Variants in HMGA2 observed in about 807,000 individuals in gnomAD.
HMGA2 encodes high mobility group AT-hook 2, also known as high mobility group protein HMGI-C.
A neutral mutation model predicts 19.1 loss-of-function variants in HMGA2; 8 were observed. The observed-to-expected ratio is 0.42, with a 90% CI of 0.25 to 0.76. The LOEUF (loss-of-function observed/expected upper bound fraction) is 0.76. Ranked by LOEUF, HMGA2 falls within the 30% of genes least tolerant of loss-of-function variation. The pLI is 0.28. For missense variants in HMGA2, 109 were observed against 136.3 expected (o/e 0.80, Z 1.00); for synonymous variants, 60 against 48.8 (o/e 1.23, Z -0.96).
intron 3 of HMGA2, among the ~76,000 whole-genome samples, chr12:65,951,079 G>A (rs935950487): frequency 2.0e-5 from 3 of 151,960 alleles, no homozygotes; most frequent in Non-Finnish European, 2.9e-5. Flanking sequence ...CAGTTGCAAC[G>A]CCACCACACC....
At chr12:65,892,703 C>T (rs1449249588) in intron 3 of HMGA2, among the ~76,000 whole-genome samples, 4 of 152,030 alleles carry the variant, frequency 2.6e-5, no homozygotes, top group Admixed American at 2.0e-4. Context: ...GAAAACGGTC[C>T]CTAAAAGTCT....
At chr12:65,945,234 T>C (rs1876224668) in intron 3 of HMGA2, among the ~76,000 whole-genome samples, 1 of 149,566 alleles carries the variant, frequency 6.7e-6, no homozygotes. Context: ...TTCTTATGCT[T>C]TAAAAAAAAA....
intron 4 of HMGA2, chr12:65,954,665 C>T (rs1876554600): frequency 6.6e-6 from 1 of 152,166 alleles, no homozygotes; most frequent in African/African-American, 2.4e-5. Context: ...AAGTGAAGGA[C>T]CACCCTGTTG....
chr12:65,881,927 A>G, intron 3 of HMGA2: 1 of 701,600 alleles, frequency 1.4e-6, no homozygotes, highest in Non-Finnish European at 2.6e-6. Flanking sequence ...TGCAGAAGGC[A>G]TGGAGAGATT....
At chr12:65,866,844 C>A in intron 3 of HMGA2, 1 of 457,210 alleles carries the variant, frequency 2.2e-6, no homozygotes, top group South Asian at 1.5e-5. Flanking sequence ...CTTGCCATTG[C>A]CCTCTCAACC....
chr12:65,878,235 T>G (rs552843469), intron 3 of HMGA2, among the ~76,000 whole-genome samples: 1 of 152,244 alleles, frequency 6.6e-6, no homozygotes. Context: ...AGAATGAGGA[T>G]GCATAAACTT....
At position 65,965,473 on chromosome 12, in the gene HMGA2, AC is replaced by A. The variant is rs1258519853; in HGVS notation, c.*2183del. 1 of 206,200 alleles carries A rather than the reference AC, an allele frequency of 4.8e-6. No homozygotes were observed. The highest frequency in any genetic ancestry group is 9.9e-6 in the Non-Finnish European group (1 of 100,768). 12.8% of individuals were successfully genotyped at this position (206,200 alleles called of 1,614,324 possible). ...GTACTGAAGCCAAATGAAACTCAAA[AC>A]CATCTCTCTTCCAGCTGCTTCAGGG... is the stretch of plus-strand genomic sequence containing the variant. On this transcript the variant is annotated 3_prime_UTR_variant, in exon 5 of 5. Coordinates refer to ENST00000403681, the MANE Select transcript of HMGA2 (RefSeq NM_003483.6).
chr12:65,863,788 G>T (rs1872237929), intron 3 of HMGA2, among the ~76,000 whole-genome samples: 1 of 152,158 alleles, frequency 6.6e-6, no homozygotes, highest in Non-Finnish European at 1.5e-5. Context: ...CCCAAAACAT[G>T]AAGTATTCAA....
chr12:65,857,274 T>G (rs527562975), intron 3 of HMGA2: 1 of 152,328 alleles, frequency 6.6e-6, no homozygotes, highest in African/African-American at 2.4e-5. Context: ...AATTTTTATT[T>G]TCAATTTAGC....
At chr12:65,874,995 G>GC (rs774089960) in intron 3 of HMGA2, among the ~76,000 whole-genome samples, 66 of 151,370 alleles carry the variant, frequency 4.4e-4, no homozygotes, top group Admixed American at 8.6e-4. Flanking sequence ...AAGGTTCCCC[G>GC]CCCCCCCAGT....
intron 3 of HMGA2, among the ~76,000 whole-genome samples, chr12:65,840,873 T>C (rs1446674310): frequency 6.6e-6 from 1 of 152,230 alleles, no homozygotes; most frequent in Non-Finnish European, 1.5e-5. Flanking sequence ...CTAACCTCCA[T>C]CATATGGGGC....
chr12:65,887,775 A>G (rs1160091865), intron 3 of HMGA2, among the ~76,000 whole-genome samples: 1 of 152,094 alleles, frequency 6.6e-6, no homozygotes, highest in African/African-American at 2.4e-5. Context: ...CTTACCTTCT[A>G]TAATTAAAAT....
At position 65,824,946 on chromosome 12, in the gene HMGA2, C is replaced by T; in HGVS notation, c.-325C>T. 1 of 359,982 alleles carries T rather than the reference C, an allele frequency of 2.8e-6. No homozygotes were observed. Among genetic ancestry groups the T allele is most frequent in the Non-Finnish European group, 5.1e-6 (1 of 197,782 alleles). 22.3% of individuals were successfully genotyped at this position (359,982 alleles called of 1,614,324 possible). A position where few individuals can be genotyped will look rare whatever the true frequency, so the allele number is the denominator to read the frequency against. ...GACCTCAAAGCCTCTCTTCCTTCTC[C>T]CTCGCTTCCCTCCTCCTCTTGCTAC... On this transcript the variant is annotated 5_prime_UTR_variant, in exon 1 of 5. Coordinates refer to ENST00000403681, the MANE Select transcript of HMGA2 (RefSeq NM_003483.6).
chr12:65,831,852 G>A (rs1443501067), intron 2 of HMGA2, among the ~76,000 whole-genome samples: 1 of 151,902 alleles, frequency 6.6e-6, no homozygotes, highest in Non-Finnish European at 1.5e-5. Context: ...ATTTTCTTCA[G>A]AATATAGTAG....
intron 3 of HMGA2, among the ~76,000 whole-genome samples, chr12:65,870,282 T>C (rs564974195): frequency 1.3e-5 from 2 of 152,338 alleles, no homozygotes; most frequent in East Asian, 1.9e-4. Context: ...TGTACGAGCC[T>C]TGTAAGGTAG....
intron 3 of HMGA2, among the ~76,000 whole-genome samples, chr12:65,936,209 T>C (rs895446848): frequency 1.8e-5 from 2 of 109,604 alleles, no homozygotes; most frequent in Non-Finnish European, 3.8e-5. Context: ...TTTTGTTCCA[T>C]TCATTTTTTT....
intron 2 of HMGA2, among the ~76,000 whole-genome samples, chr12:65,834,388 TTTC>T (rs1870613795): frequency 6.6e-6 from 1 of 152,144 alleles, no homozygotes; most frequent in South Asian, 2.1e-4. Flanking sequence ...ATCCAGAAGT[TTTC>T]TTCTTTGCTA....
At chr12:65,883,232 A>G (rs961121862) in intron 3 of HMGA2, among the ~76,000 whole-genome samples, 1 of 152,246 alleles carries the variant, frequency 6.6e-6, no homozygotes, top group Non-Finnish European at 1.5e-5. Flanking sequence ...TGTTAATGCT[A>G]TGTGATCTTG....
chr12:65,882,163 G>C, intron 3 of HMGA2: 1 of 393,006 alleles, frequency 2.5e-6, no homozygotes, highest in Admixed American at 3.6e-5. Context: ...AGGTCTTGCG[G>C]GCTGGCCTTT....
Sources: gnomAD v4.1 joint callset for allele counts (sites outside exome capture counted in the v4.1 genomes callset) on GRCh38, gnomAD v4.1.1 for gene constraint, MANE v1.5 for transcripts, NCBI Gene and HGNC (gene_info 2026-07-23, HGNC 2026-07-21) for gene names.